Variants in SPACA6 observed in about 807,000 individuals in gnomAD.
SPACA6 encodes the protein sperm acrosome associated 6, also known as sperm acrosome membrane-associated protein 6.
For missense variants in SPACA6, 8 were observed against 2.8 expected, an observed-to-expected ratio of 2.88 and a Z score of -1.34; for synonymous variants, 6 against 1.5, an observed-to-expected ratio of 4.05 and a Z score of -2.21.
At chr19:51,705,639 C>T (rs1203269714), downstream of SPACA6, among the ~76,000 whole-genome samples, 1 of 152,106 alleles carries the variant, frequency 6.6e-6, no homozygotes, top group East Asian at 1.9e-4. Flanking sequence ...CCCCCCACCA[C>T]CTCCTTGGCC....
At chr19:51,692,532 C>G (rs2083382943), upstream of SPACA6, 2 of 462,846 alleles carry the variant, frequency 4.3e-6, no homozygotes, top group Admixed American at 5.9e-5. The surrounding 1 kb of genome is among the most constrained non-coding windows in gnomAD (Gnocchi z 5.6). Flanking sequence ...CTCCAGGGTC[C>G]CTGATGAGGA....
At chr19:51,701,578 T>G (rs2083468683) in intron 2 of SPACA6, 80 bp from the exon 3 acceptor site, 1 of 396,796 alleles carries the variant, frequency 2.5e-6, no homozygotes, top group Non-Finnish European at 4.5e-6. Context: ...CTAGCCAGGC[T>G]AGATCAGAAT....
chr19:51,703,428 C>T lies in SPACA6; in HGVS notation c.573+91C>T, dbSNP rs528912053. On this transcript the variant is annotated intron_variant, in intron 6 of 8. Transcript: ENST00000637797. This position sits in a 1 kb window ranked among gnomAD's most constrained non-coding sequence, Gnocchi z 4.2. ...GAGTCAGCTTGCGGGGACGGGACTCCGGGAATCTCCGTCTAGACACAAGCA... is the reference window on the plus strand; with the variant it reads ...GAGTCAGCTTGCGGGGACGGGACTCTGGGAATCTCCGTCTAGACACAAGCA... 1.0e-5 allele frequency: 4 copies of T among 398,070 alleles called. No individual in the cohort carries two copies. Among genetic ancestry groups the T allele is most frequent in the South Asian group, 1.4e-4 (1 of 7,402 alleles). The allele number at this position is 398,070 out of a possible 1,614,324, so 24.7% of individuals were successfully genotyped here. A position where few individuals can be genotyped will look rare whatever the true frequency, so the allele number is the denominator to read the frequency against.
upstream of SPACA6, among the ~76,000 whole-genome samples, chr19:51,691,279 AGGAGAGAGAGAG>A (rs765462530): frequency 6.6e-6 from 1 of 150,428 alleles, no homozygotes; most frequent in Non-Finnish European, 1.5e-5. Flanking sequence ...GAGGGAGGGA[AGGAGAGAGAGAG>A]GGAGAGAGAC....
At chr19:51,691,799 G>A (rs1450928301), upstream of SPACA6, among the ~76,000 whole-genome samples, 1 of 138,016 alleles carries the variant, frequency 7.2e-6, no homozygotes, top group African/African-American at 2.6e-5. Context: ...GGGGCTCAGA[G>A]CCCAGGGGTG....
chr19:51,702,229 G>C (rs1053427902), intron 3 of SPACA6, among the ~76,000 whole-genome samples: 36 of 151,938 alleles, frequency 2.4e-4, no homozygotes, highest in Admixed American at 1.8e-3. Flanking sequence ...GCCCCTTTCC[G>C]GGACTACTAC....
intron 8 of SPACA6, chr19:51,704,681 A>G: frequency 2.5e-6 from 1 of 397,432 alleles, no homozygotes; most frequent in Non-Finnish European, 4.4e-6. Context: ...CCTTAGATCT[A>G]AGAGTCCAGG....
downstream of SPACA6, among the ~76,000 whole-genome samples, chr19:51,709,448 C>T (rs1260733661): frequency 2.8e-5 from 4 of 142,122 alleles, no homozygotes; most frequent in African/African-American, 5.3e-5. Context: ...ACCCGTGAGG[C>T]GGAGGTTGCA....
chr19:51,694,124 T>A (rs1463006350), intron 1 of SPACA6: 1 of 231,918 alleles, frequency 4.3e-6, no homozygotes, highest in Non-Finnish European at 7.7e-6. Flanking sequence ...AAGGGGAGGA[T>A]GGAGAGTCAG....
In SPACA6 at chr19:51,705,074, C is replaced by G. The variant is rs1461611067; in HGVS notation, c.942-16C>G. On this transcript the variant is annotated splice_polypyrimidine_tract_variant and intron_variant, in intron 8 of 8. Transcript: ENST00000637797. ...CCAACCCCTCCTGTAACACACATACCTCTTTGTTTCCCCAGGATGTTCTTT... is the reference window on the plus strand; with the variant it reads ...CCAACCCCTCCTGTAACACACATACGTCTTTGTTTCCCCAGGATGTTCTTT... 5.0e-6 allele frequency: 2 copies of G among 401,182 alleles called. No homozygotes were observed. Among genetic ancestry groups the G allele is most frequent in the East Asian group, 3.6e-5 (1 of 28,096 alleles). 24.9% of individuals were successfully genotyped at this position (401,182 alleles called of 1,614,324 possible).
At chr19:51,693,125 C>G, upstream of SPACA6, 2 of 393,400 alleles carry the variant, frequency 5.1e-6, no homozygotes, top group Non-Finnish European at 1.0e-5. Flanking sequence ...CTCTGCCCCT[C>G]CCGATATCTC....
chr19:51,706,976 A>T (rs2083519033), downstream of SPACA6, among the ~76,000 whole-genome samples: 1 of 151,788 alleles, frequency 6.6e-6, no homozygotes, highest in Non-Finnish European at 1.5e-5. Context: ...CTCATTTTTT[A>T]ATTTGGTTTT....
upstream of SPACA6, among the ~76,000 whole-genome samples, chr19:51,690,877 C>G (rs1047439828): frequency 6.6e-6 from 1 of 151,904 alleles, no homozygotes; most frequent in Non-Finnish European, 1.5e-5. Context: ...TGCTGGGAAC[C>G]CAGGCCTGGG....
rs2083482824 is a variant in SPACA6, at chr19:51,703,134, C to T, written c.463+36C>T. On this transcript the variant is annotated intron_variant, in intron 5 of 8. Transcript: ENST00000637797. The surrounding 1 kb of genome is among the most constrained non-coding windows in gnomAD (Gnocchi z 4.2). ...GGGGCCTCGGGGTGCAGGAGGCCAACCTGAGAAAAGGGACCAGAGCACCGA... is the reference window on the plus strand; with the variant it reads ...GGGGCCTCGGGGTGCAGGAGGCCAATCTGAGAAAAGGGACCAGAGCACCGA... The T allele has an allele frequency of 7.5e-6, 3 of 399,546 alleles. No homozygotes were observed. Among genetic ancestry groups the T allele is most frequent in the Non-Finnish European group, 1.3e-5 (3 of 226,446 alleles). 24.8% of individuals were successfully genotyped at this position (399,546 alleles called of 1,614,324 possible).
upstream of SPACA6, among the ~76,000 whole-genome samples, chr19:51,688,677 AACAGAGAC>A (rs972676454): frequency 4.6e-5 from 7 of 152,110 alleles, no homozygotes; most frequent in African/African-American, 1.7e-4. Context: ...AGAGAGGAAG[AACAGAGAC>A]ACAGAGACAG....
At chr19:51,690,138 G>A (rs1358257871), upstream of SPACA6, among the ~76,000 whole-genome samples, 6 of 151,658 alleles carry the variant, frequency 4.0e-5, no homozygotes, top group African/African-American at 1.5e-4. Flanking sequence ...GGGGACCCGG[G>A]ATTCCAGGTC....
Position 51,704,081 on chromosome 19 carries a change from T to C in SPACA6, c.625T>C (p.Tyr209His), listed in dbSNP as rs1024926800. ...CCGAGATATGCCGCGGGCCGAAGGATACCTGGCGCGGATCCGGCCGGCTCA... is the reference window on the plus strand; with the variant it reads ...CCGAGATATGCCGCGGGCCGAAGGACACCTGGCGCGGATCCGGCCGGCTCA... ...YFRDMPRAEG[Y>H]LARIRPAQLT... is the part of the protein sequence containing the mutation. The change falls in exon 7 of 9, where the codon TAC becomes CAC. Residue 209 changes from tyrosine to histidine, a missense_variant. Transcript: ENST00000637797. 2 of 401,160 alleles carry C rather than the reference T, an allele frequency of 5.0e-6. No individual in the cohort carries two copies. The highest frequency in any genetic ancestry group is 4.1e-5 in the African/African-American group (2 of 48,796). 24.9% of individuals were successfully genotyped at this position (401,160 alleles called of 1,614,324 possible).
intron 2 of SPACA6, among the ~76,000 whole-genome samples, chr19:51,699,238 G>A (rs1378134431): frequency 6.6e-6 from 1 of 152,058 alleles, no homozygotes; most frequent in Admixed American, 6.6e-5. Flanking sequence ...CGAACTCCTG[G>A]CCTCAAGTGA....
intron 8 of SPACA6, 57 bp downstream of exon 8, chr19:51,704,537 A>G (rs1284345341): frequency 1.7e-5 from 7 of 400,692 alleles, no homozygotes; most frequent in Non-Finnish European, 3.1e-5. Flanking sequence ...CTCAGATCCC[A>G]CCGAGAAGTC....
Sources: gnomAD v4.1 joint callset for allele counts (sites outside exome capture counted in the v4.1 genomes callset) on GRCh38, gnomAD v4.1.1 for gene constraint, Gnocchi (gnomAD v3.1) non-coding constraint, MANE v1.5 for transcripts, NCBI Gene and HGNC (gene_info 2026-07-23, HGNC 2026-07-21) for gene names.